Variants in PDS5B observed in about 807,000 individuals in gnomAD.
PDS5B encodes the protein sister chromatid cohesion protein PDS5 homolog B.
Under a neutral mutation model 184.1 loss-of-function variants are expected in PDS5B, and 51 were observed. The ratio of observed to expected loss-of-function variants is 0.28; its 90% CI spans 0.22 to 0.35. The LOEUF (loss-of-function observed/expected upper bound fraction) is 0.35, where lower values mean the gene tolerates loss of function less well. Ranked by LOEUF, PDS5B falls within the 10% of genes least tolerant of loss-of-function variation. The pLI is 1.00. For missense variants in PDS5B, 1,180 were observed against 1,723.3 expected, an observed-to-expected ratio of 0.68 and a Z score of 5.58; for synonymous variants, 566 against 569.2, an observed-to-expected ratio of 0.99 and a Z score of 0.08.
At chr13:32,587,969 A>G (rs976349428) in intron 1 of PDS5B, among the ~76,000 whole-genome samples, 1 of 152,236 alleles carries the variant, frequency 6.6e-6, no homozygotes, top group Non-Finnish European at 1.5e-5. Flanking sequence ...CTGTAAATAA[A>G]TCGTAATTAC....
chr13:32,692,414 C>CTTTTTTTTTTTTTTTTT lies in PDS5B; in HGVS notation c.1470-1809_1470-1808insTTTTTTTTTTTTTTTTT, dbSNP rs1593440334. 9.8e-4 allele frequency among the ~76,000 whole-genome samples: 68 copies of CTTTTTTTTTTTTTTTTT among 69,152 alleles called. 28 individuals are homozygous for CTTTTTTTTTTTTTTTTT. The highest frequency in any genetic ancestry group is 1.6e-3 in the African/African-American group (32 of 19,840). 45.4% of individuals were successfully genotyped at this position (69,152 alleles called of 152,430 possible). On this transcript the variant is annotated intron_variant, in intron 13 of 34. Coordinates refer to ENST00000315596, the MANE Select transcript of PDS5B (RefSeq NM_015032.4). Reference sequence around the variant, plus strand: ...ATTAAACAAGTTTGCGTCCAAAAAGCCTTTTTTTTTTTTTTTTTTTTTTTT... The same window carrying CTTTTTTTTTTTTTTTTT: ...ATTAAACAAGTTTGCGTCCAAAAAGCTTTTTTTTTTTTTTTTTCTTTTTTTTTTTTTTTTTTTTTTTT...
In PDS5B at chr13:32,733,688, A is replaced by G. The variant is rs530640845; in HGVS notation, c.2247+1464A>G. On this transcript the variant is annotated intron_variant, in intron 20 of 34. Coordinates refer to ENST00000315596, the MANE Select transcript of PDS5B (RefSeq NM_015032.4). ...TTTTTCATTAAAATGTGGCATTAAA[A>G]TGTCTAATAGAAAATAAATTCACTT... Among the ~76,000 whole-genome samples, 89 of 152,294 alleles carry G rather than the reference A, an allele frequency of 5.8e-4. 1 individual carries two copies. Among genetic ancestry groups the G allele is most frequent in the Non-Finnish European group, 1.0e-3 (68 of 68,024 alleles).
intron 1 of PDS5B, among the ~76,000 whole-genome samples, chr13:32,616,595 G>A (rs576766273): frequency 1.3e-4 from 20 of 152,194 alleles, no homozygotes; most frequent in African/African-American, 4.6e-4. Context: ...AATGTAGCCC[G>A]AGTTGCCATT....
In PDS5B at chr13:32,770,201, T is replaced by C. The variant is rs371701466; in HGVS notation, c.3705T>C (p.Thr1235=). The C allele has an allele frequency of 2.5e-6, 4 of 1,613,652 alleles. No individual in the cohort carries two copies. The African/African-American group carries it at 4.0e-5, about 16-fold the overall frequency. Reference sequence around the variant, plus strand: ...AGAAATTAGGTATGGATGACTTGACTAAGTTGGTACAGGAACAGAAACCTA... The same window carrying C: ...AGAAATTAGGTATGGATGACTTGACCAAGTTGGTACAGGAACAGAAACCTA... The part of the protein sequence containing the change: ...QEEKLGMDDL[T]KLVQEQKPKG... Residue 1235 remains threonine, a synonymous_variant, in exon 32 of 35, where the codon ACT becomes ACC. Transcript: ENST00000315596.
At chr13:32,652,217 T>C (rs896532758) in intron 3 of PDS5B, 8 of 442,810 alleles carry the variant, frequency 1.8e-5, no homozygotes, top group Non-Finnish European at 3.2e-5. Flanking sequence ...ATTAATACAG[T>C]GTGTATTTTT....
chr13:32,698,278 A>G (rs1459290342), intron 15 of PDS5B, among the ~76,000 whole-genome samples: 1 of 151,030 alleles, frequency 6.6e-6, no homozygotes, highest in Non-Finnish European at 1.5e-5. Context: ...TGTAGCCTTT[A>G]TTATGATGCC....
intron 19 of PDS5B, among the ~76,000 whole-genome samples, chr13:32,718,481 A>G (rs972124422): frequency 2.6e-5 from 4 of 152,162 alleles, no homozygotes; most frequent in African/African-American, 9.7e-5. Flanking sequence ...ATTAAATCTA[A>G]TAAGATAGGA....
At chr13:32,612,184 G>A (rs997387991) in intron 1 of PDS5B, among the ~76,000 whole-genome samples, 13 of 151,718 alleles carry the variant, frequency 8.6e-5, no homozygotes, top group African/African-American at 2.4e-5. Context: ...ATCTTTACCT[G>A]TATTGGTATA....
At chr13:32,688,932 T>C (rs999135181) in intron 13 of PDS5B, 2 of 255,152 alleles carry the variant, frequency 7.8e-6, no homozygotes, top group African/African-American at 4.5e-5. Context: ...TCTCACTTGG[T>C]GTACTGATGT....
intron 1 of PDS5B, among the ~76,000 whole-genome samples, chr13:32,602,481 T>C (rs528127597): frequency 1.3e-5 from 2 of 152,388 alleles, no homozygotes; most frequent in Admixed American, 1.3e-4. Flanking sequence ...CCACATTTTC[T>C]TAATCCAGTC....
In PDS5B at chr13:32,775,934, GTA is replaced by G. The variant is rs1466848496; in HGVS notation, c.*885_*886del. The G allele has an allele frequency of 1.4e-5, 3 of 217,000 alleles. No individual in the cohort carries two copies. In the South Asian group the frequency reaches 1.8e-4, roughly 13 times the overall value. 13.4% of individuals were successfully genotyped at this position (217,000 alleles called of 1,614,324 possible). ...TTTTAATAGTCTAGAATGTTATTGTGTATAGATATTTCCTCTTGAACGTTATG... is the reference window on the plus strand; with the variant it reads ...TTTTAATAGTCTAGAATGTTATTGTGTAGATATTTCCTCTTGAACGTTATG... On this transcript the variant is annotated 3_prime_UTR_variant, in exon 35 of 35. Coordinates refer to ENST00000315596, the MANE Select transcript of PDS5B (RefSeq NM_015032.4).
chr13:32,611,806 G>A (rs1169057543), intron 1 of PDS5B, among the ~76,000 whole-genome samples: 2 of 151,942 alleles, frequency 1.3e-5, no homozygotes, highest in South Asian at 2.1e-4. Context: ...ACGGTGCCTG[G>A]TTCTCACTGC....
At chr13:32,708,595 G>C (rs868420818) in intron 18 of PDS5B, among the ~76,000 whole-genome samples, 5 of 152,010 alleles carry the variant, frequency 3.3e-5, no homozygotes, top group Non-Finnish European at 7.4e-5. Context: ...GTATGTGAAG[G>C]TACCCGTCTT....
Position 32,775,571 on chromosome 13 carries a change from T to C in PDS5B, c.*519T>C. On this transcript the variant is annotated 3_prime_UTR_variant, in exon 35 of 35. Transcript: ENST00000315596. ...TGGAGAGTTAAATGGTCTCTTCCCTTTGTGTATCTTACCTAGTGTTTACTC... is the reference window on the plus strand; with the variant it reads ...TGGAGAGTTAAATGGTCTCTTCCCTCTGTGTATCTTACCTAGTGTTTACTC... 2.3e-6 allele frequency: 1 copy of C among 439,388 alleles called. No homozygotes were observed. The allele number at this position is 439,388 out of a possible 1,614,324, so 27.2% of individuals were successfully genotyped here. A position where few individuals can be genotyped will look rare whatever the true frequency, so the allele number is the denominator to read the frequency against.
At chr13:32,729,259 CTGCAA>C (rs1953018259) in intron 19 of PDS5B, among the ~76,000 whole-genome samples, 1 of 152,166 alleles carries the variant, frequency 6.6e-6, no homozygotes, top group Non-Finnish European at 1.5e-5. Context: ...ATCCATGTCC[CTGCAA>C]AGGACATGAA....
chr13:32,617,646 T>C (rs2140525919), intron 1 of PDS5B, among the ~76,000 whole-genome samples: 1 of 152,344 alleles, frequency 6.6e-6, no homozygotes, highest in Admixed American at 6.5e-5. Flanking sequence ...TGCTGTTATC[T>C]GGCTTAATAA....
At chr13:32,680,475 G>T (rs1328768156) in intron 10 of PDS5B, among the ~76,000 whole-genome samples, 1 of 152,192 alleles carries the variant, frequency 6.6e-6, no homozygotes, top group Non-Finnish European at 1.5e-5. Context: ...TTACTAATGT[G>T]TTTGGGAAAA....
At chr13:32,672,218 T>C (rs1361061642) in intron 7 of PDS5B, among the ~76,000 whole-genome samples, 1 of 152,194 alleles carries the variant, frequency 6.6e-6, no homozygotes, top group African/African-American at 2.4e-5. Flanking sequence ...ATTTCAAACA[T>C]AGAATTGCCT....
At chr13:32,655,375 T>TGTATATATATATATA (rs1555296358) in intron 3 of PDS5B, among the ~76,000 whole-genome samples, 6 of 50,918 alleles carry the variant, frequency 1.2e-4, no homozygotes, top group Admixed American at 2.9e-4. Context: ...TATATATATA[T>TGTATATATATATATA]TTTTTTTTTT....
Sources: allele counts gnomAD v4.1 joint callset (sites outside exome capture counted in the v4.1 genomes callset), GRCh38; gene constraint gnomAD v4.1.1; transcripts MANE v1.5; gene names NCBI Gene and HGNC (gene_info 2026-07-23, HGNC 2026-07-21).